The following DOCK10 variants were observed in gnomAD, a reference collection of about 807,000 sequenced individuals.
DOCK10 encodes the protein dedicator of cytokinesis protein 10.
Under a neutral mutation model 280.1 loss-of-function variants are expected in DOCK10, and 145 were observed. That is an observed-to-expected ratio of 0.52 (90% CI 0.45 to 0.59). The LOEUF (loss-of-function observed/expected upper bound fraction) is 0.59. DOCK10 is among the 20% of genes least tolerant of loss of function. The probability of loss-of-function intolerance (pLI) is 0.00; values close to 1 mark genes in which losing one functional copy is unlikely to be tolerated. For missense variants in DOCK10, 2,368 were observed against 2,651.7 expected, an observed-to-expected ratio of 0.89 and a Z score of 2.35; for synonymous variants, 915 against 942.2, an observed-to-expected ratio of 0.97 and a Z score of 0.53.
chr2:224,961,452 TTCTTTC>T (rs1201063283), intron 1 of DOCK10, among the ~76,000 whole-genome samples: 1 of 133,776 alleles, frequency 7.5e-6, no homozygotes, highest in Non-Finnish European at 1.6e-5. Flanking sequence ...CTTTCTTTCT[TTCTTTC>T]TTTCTTTCTT....
At chr2:224,954,653 A>G (rs1703942802) in intron 1 of DOCK10, among the ~76,000 whole-genome samples, 1 of 152,168 alleles carries the variant, frequency 6.6e-6, no homozygotes, top group African/African-American at 2.4e-5. Flanking sequence ...CAATAATGAC[A>G]ATGACAACAA....
At chr2:224,817,211 G>A (rs6742694) in intron 29 of DOCK10, among the ~76,000 whole-genome samples, 1 of 151,996 alleles carries the variant, frequency 6.6e-6, no homozygotes, top group Non-Finnish European at 1.5e-5. Context: ...TAATTAATTC[G>A]TCTTTCCTCC....
At chr2:224,834,114 G>A (rs749853082) in intron 26 of DOCK10, 36 bp downstream of exon 26, 1 of 1,239,316 alleles carries the variant, frequency 8.1e-7, no homozygotes, top group East Asian at 2.3e-5. Context: ...CCCATGCCTA[G>A]TACTCACAGT....
chr2:224,845,311 C>T lies in DOCK10; in HGVS notation c.2373G>A (p.Trp791Ter). 1 of 1,590,078 alleles carries T rather than the reference C, an allele frequency of 6.3e-7. No homozygotes were observed. Among genetic ancestry groups the T allele is most frequent in the African/African-American group, 1.3e-5 (1 of 74,676 alleles). ...TCTGATCGTGTTTCATCAGAGGAAGCCAAGCATATCCAACTGTGCAAAAGA... is the reference window on the plus strand; with the variant it reads ...TCTGATCGTGTTTCATCAGAGGAAGTCAAGCATATCCAACTGTGCAAAAGA... ...EALETSVGYA[W>*]LPLMKHDQIA... is the part of the protein sequence containing the mutation. Residue 791 changes from tryptophan to a stop codon, truncating the protein, a stop_gained, in exon 21 of 56, where the codon TGG becomes TGA. Transcript: ENST00000258390. LOFTEE classifies it high-confidence loss of function.
intron 3 of DOCK10, among the ~76,000 whole-genome samples, chr2:224,907,031 A>G (rs969118527): frequency 6.6e-6 from 1 of 152,238 alleles, no homozygotes; most frequent in Non-Finnish European, 1.5e-5. Flanking sequence ...AGAAATTTCT[A>G]TGTAAATTTC....
At chr2:225,039,942 G>A (rs1053886495) in intron 1 of DOCK10, among the ~76,000 whole-genome samples, 12 of 152,282 alleles carry the variant, frequency 7.9e-5, no homozygotes, top group Admixed American at 7.2e-4. Flanking sequence ...TTGCAATAGA[G>A]GATGGCTTGC....
At chr2:225,011,017 T>G (rs1689420398) in intron 1 of DOCK10, among the ~76,000 whole-genome samples, 1 of 152,220 alleles carries the variant, frequency 6.6e-6, no homozygotes, top group African/African-American at 2.4e-5. Flanking sequence ...GAAGACAGCT[T>G]GGCTGTGACA....
chr2:224,839,999 A>G lies in DOCK10; in HGVS notation c.2735T>C (p.Val912Ala), dbSNP rs759908622. 1.3e-6 allele frequency: 2 copies of G among 1,564,258 alleles called. No homozygotes were observed. Among genetic ancestry groups the G allele is most frequent in the East Asian group, 2.3e-5 (1 of 43,270 alleles). ...LPIILNQLFK[V>A]LVQNEEDEIT... is the part of the protein sequence containing the mutation. Reference sequence around the variant, plus strand: ...TTCATCTTCCTCATTCTGTACCAGAACTTTGAAGAGCTGATTCAAAATTAT... The same window carrying G: ...TTCATCTTCCTCATTCTGTACCAGAGCTTTGAAGAGCTGATTCAAAATTAT... Residue 912 changes from valine (V) to alanine (A), a missense_variant, in exon 24 of 56, where the codon GTT (valine) becomes GCT (alanine). This residue lies in a region of DOCK10 where 1,209 missense variants were observed against 1,250.9 expected (regional missense o/e 0.97). Transcript: ENST00000258390.
In DOCK10 at chr2:224,971,845, T is replaced by G. The variant is rs114699311; in HGVS notation, c.124-40177A>C. On this transcript the variant is annotated intron_variant, in intron 1 of 55. Transcript: ENST00000258390. ...GTTATATGTATAAATGTACACCACA[T>G]TTTGAAGATTTGGCGTGAAAAAAAC... Among the ~76,000 whole-genome samples, 386 of 152,318 alleles carry G rather than the reference T, an allele frequency of 2.5e-3. 3 individuals are homozygous for G. The highest frequency in any genetic ancestry group is 8.9e-3 in the African/African-American group (371 of 41,560).
intron 41 of DOCK10, 119 bp from the exon 42 acceptor site, chr2:224,798,088 G>T: frequency 2.1e-6 from 2 of 972,598 alleles, no homozygotes; most frequent in Non-Finnish European, 3.0e-6. Context: ...TAGAAATAAA[G>T]GATTGAACAA....
At chr2:225,017,416 GAC>G (rs1315871164) in intron 1 of DOCK10, among the ~76,000 whole-genome samples, 6 of 127,198 alleles carry the variant, frequency 4.7e-5, no homozygotes, top group Admixed American at 8.7e-5. Flanking sequence ...GAGAGAAAGA[GAC>G]AGACAGAGAT....
intron 14 of DOCK10, among the ~76,000 whole-genome samples, chr2:224,857,271 G>A (rs1697211339): frequency 6.6e-6 from 1 of 152,120 alleles, no homozygotes; most frequent in Non-Finnish European, 1.5e-5. Flanking sequence ...TGGAGTATCA[G>A]GGAAGTGGAG....
rs535449220 is a variant in DOCK10 at position 225,042,114 on chromosome 2, C to T, written c.123+138G>A. The T allele has an allele frequency of 1.1e-5, 12 of 1,063,508 alleles. No homozygotes were observed. Among genetic ancestry groups the T allele is most frequent in the African/African-American group, 9.9e-5 (6 of 60,684 alleles). 65.9% of individuals were successfully genotyped at this position (1,063,508 alleles called of 1,614,324 possible). A position where few individuals can be genotyped will look rare whatever the true frequency, so the allele number is the denominator to read the frequency against. ...GTGGCGCCGGGGGAGCCCGCAGAGGCGGCGGGGGAGGGAGTGCGGAGGAGA... is the reference window on the plus strand; with the variant it reads ...GTGGCGCCGGGGGAGCCCGCAGAGGTGGCGGGGGAGGGAGTGCGGAGGAGA... On this transcript the variant is annotated intron_variant, in intron 1 of 55. Coordinates refer to ENST00000258390, the MANE Select transcript of DOCK10 (RefSeq NM_014689.3). This position sits in a 1 kb window ranked among gnomAD's most constrained non-coding sequence, Gnocchi z 5.1.
chr2:224,977,131 C>A (rs1705489206), intron 1 of DOCK10, among the ~76,000 whole-genome samples: 1 of 152,190 alleles, frequency 6.6e-6, no homozygotes, highest in South Asian at 2.1e-4. Flanking sequence ...TAATTTCCTG[C>A]CTTAGACGAA....
chr2:225,003,091 G>A (rs1276691588), intron 1 of DOCK10, among the ~76,000 whole-genome samples: 1 of 152,118 alleles, frequency 6.6e-6, no homozygotes, highest in African/African-American at 2.4e-5. Context: ...TTTATCACCA[G>A]GCTGGAGTGC....
intron 2 of DOCK10, among the ~76,000 whole-genome samples, chr2:224,922,093 C>T (rs190264186): frequency 1.4e-5 from 2 of 140,928 alleles, no homozygotes; most frequent in Non-Finnish European, 3.0e-5. Flanking sequence ...TACTCCAGCC[C>T]GGGCAGCAAG....
intron 1 of DOCK10, among the ~76,000 whole-genome samples, chr2:225,018,646 T>TTA (rs1481210956): frequency 1.1e-4 from 1 of 9,412 alleles, no homozygotes; most frequent in South Asian, 9.1e-3. Flanking sequence ...ATATGTAATA[T>TTA]TATATATATA....
chr2:225,042,417 C>G lies in DOCK10; in HGVS notation c.-43G>C. On this transcript the variant is annotated 5_prime_UTR_variant, in exon 1 of 56. Transcript: ENST00000258390. The surrounding 1 kb of genome is among the most constrained non-coding windows in gnomAD (Gnocchi z 5.1). ...GCGCCGCGGGCCCGGGGCGCGCCTCCCGCCGGTCTTCCCCGCGCCAACCTT... is the reference window on the plus strand; with the variant it reads ...GCGCCGCGGGCCCGGGGCGCGCCTCGCGCCGGTCTTCCCCGCGCCAACCTT... 8.1e-7 allele frequency: 1 copy of G among 1,229,154 alleles called. No homozygotes were observed. The highest frequency in any genetic ancestry group is 1.0e-6 in the Non-Finnish European group (1 of 983,890). 76.1% of individuals were successfully genotyped at this position (1,229,154 alleles called of 1,614,324 possible).
At chr2:225,034,842 G>C (rs1409456430) in intron 1 of DOCK10, among the ~76,000 whole-genome samples, 1 of 152,134 alleles carries the variant, frequency 6.6e-6, no homozygotes, top group East Asian at 1.9e-4. Flanking sequence ...GTTGAGGGTG[G>C]GGAGCCTGGT....
Sources: allele counts gnomAD v4.1 joint callset (sites outside exome capture counted in the v4.1 genomes callset), GRCh38; gene constraint gnomAD v4.1.1; regional missense constraint gnomAD v4.1.1; non-coding constraint Gnocchi (gnomAD v3.1); transcripts MANE v1.5; gene names NCBI Gene and HGNC (gene_info 2026-07-23, HGNC 2026-07-21).